The following CPEB4 variants were observed in gnomAD, a reference collection of about 807,000 sequenced individuals.
CPEB4 encodes the protein cytoplasmic polyadenylation element-binding protein 4.
In CPEB4, 12 loss-of-function variants were observed where a neutral mutation model predicts 72.5. That is an observed-to-expected ratio of 0.17 (90% CI 0.11 to 0.27). CPEB4 has a LOEUF of 0.27. CPEB4 is among the 10% of genes least tolerant of loss of function. The probability of loss-of-function intolerance (pLI) is 1.00; values close to 1 mark genes in which losing one functional copy is unlikely to be tolerated. For missense variants in CPEB4, 614 were observed against 908.5 expected (o/e 0.68, Z 4.17); for synonymous variants, 302 against 326.3 (o/e 0.93, Z 0.80).
chr5:173,890,363 C>T lies in CPEB4; in HGVS notation c.630C>T (p.Phe210=), dbSNP rs201752532. Residue 210 remains phenylalanine, a synonymous_variant, in exon 1 of 10, where the codon TTC becomes TTT. Transcript: ENST00000265085. Reference sequence around the variant, plus strand: ...ACGGTGCTCTGTTGTTTCAAAATTTCCCCCATCATGTCAGCCCTGGCTTTG... The same window carrying T: ...ACGGTGCTCTGTTGTTTCAAAATTTTCCCCATCATGTCAGCCCTGGCTTTG... The part of the protein sequence containing the change: ...ANNGALLFQN[F]PHHVSPGFGG... 3.3e-4 allele frequency: 526 copies of T among 1,614,106 alleles called. 5 individuals are homozygous for T. In the Middle Eastern group the frequency reaches 3.3e-3, roughly 10 times the overall value.
chr5:173,935,088 T>G (rs1466643101), intron 3 of CPEB4, among the ~76,000 whole-genome samples: 2 of 152,196 alleles, frequency 1.3e-5, no homozygotes, highest in Non-Finnish European at 2.9e-5. Context: ...TGTAAATCAC[T>G]TAGCATAGCA....
chr5:173,953,726 C>CT (rs56660397), intron 9 of CPEB4, among the ~76,000 whole-genome samples: 77 of 141,642 alleles, frequency 5.4e-4, no homozygotes, highest in Admixed American at 1.1e-3. Context: ...TCACAGATTT[C>CT]TTTTTTTTTT....
chr5:173,937,724 AT>A (rs1757680339), intron 3 of CPEB4, among the ~76,000 whole-genome samples: 1 of 152,160 alleles, frequency 6.6e-6, no homozygotes, highest in South Asian at 2.1e-4. Flanking sequence ...TGTGTTTTTC[AT>A]TATTCTCTCA....
In CPEB4 at chr5:173,953,071, C is replaced by G; in HGVS notation, c.1781-20C>G. On this transcript the variant is annotated intron_variant, in intron 8 of 9. Transcript: ENST00000265085. ...AATTTTCCTGATTTTAAATATCCTC[C>G]TTGTTCCTTTCTTAATTAGTGGAGC... 1.3e-6 allele frequency: 2 copies of G among 1,578,146 alleles called. No individual in the cohort carries two copies. The highest frequency in any genetic ancestry group is 1.7e-6 in the Non-Finnish European group (2 of 1,158,894).
In CPEB4 at chr5:173,890,768, C is replaced by T. The variant is rs1755783761; in HGVS notation, c.1035C>T (p.Leu345=). ...KKNFASNHIQ[L]QKYARPSSAF... is the part of the protein sequence containing the mutation. ...ATTTTGCAAGCAATCATATTCAGCT[C>T]CAGAAGTATGCTCGCCCCAGCTCTG... Residue 345 remains leucine, a synonymous_variant, in exon 1 of 10, where the codon CTC becomes CTT. Transcript: ENST00000265085. 3 of 1,614,068 alleles carry T rather than the reference C, an allele frequency of 1.9e-6. No homozygotes were observed. The highest frequency in any genetic ancestry group is 2.5e-6 in the Non-Finnish European group (3 of 1,180,038).
intron 2 of CPEB4, among the ~76,000 whole-genome samples, chr5:173,920,150 T>G (rs1321380470): frequency 6.6e-6 from 1 of 152,236 alleles, no homozygotes; most frequent in African/African-American, 2.4e-5. Context: ...CACTCAGTTC[T>G]AAAAGCAAGG....
chr5:173,944,083 T>C (rs770167982), intron 4 of CPEB4, among the ~76,000 whole-genome samples: 7 of 152,214 alleles, frequency 4.6e-5, no homozygotes, highest in Non-Finnish European at 1.0e-4. Context: ...CCTGCATATA[T>C]ATTCTGGACG....
chr5:173,892,477 A>G (rs1237330520), intron 1 of CPEB4, among the ~76,000 whole-genome samples: 3 of 152,194 alleles, frequency 2.0e-5, no homozygotes, highest in Admixed American at 6.5e-5. Flanking sequence ...TAATGCAAAG[A>G]TAAGTTTTAT....
chr5:173,938,728 T>G (rs1757720267), intron 3 of CPEB4, among the ~76,000 whole-genome samples: 1 of 152,244 alleles, frequency 6.6e-6, no homozygotes, highest in Admixed American at 6.5e-5. Flanking sequence ...CTTCATGGCC[T>G]AAAGTCCTAT....
chr5:173,906,076 A>G (rs1190555109), intron 1 of CPEB4, among the ~76,000 whole-genome samples: 2 of 152,230 alleles, frequency 1.3e-5, no homozygotes, highest in Non-Finnish European at 2.9e-5. Flanking sequence ...TTTCTATTTT[A>G]CAGTTAATCT....
intron 7 of CPEB4, among the ~76,000 whole-genome samples, chr5:173,951,366 T>A (rs1260537191): frequency 6.6e-6 from 1 of 152,224 alleles, no homozygotes; most frequent in African/African-American, 2.4e-5. Context: ...AAAACCATTT[T>A]GAAATAATGC....
chr5:173,918,463 G>A (rs1361357795), intron 2 of CPEB4, among the ~76,000 whole-genome samples: 4 of 152,146 alleles, frequency 2.6e-5, no homozygotes, highest in Non-Finnish European at 5.9e-5. Flanking sequence ...TTCAGATTTG[G>A]GGTTGCTGTT....
intron 1 of CPEB4, among the ~76,000 whole-genome samples, chr5:173,899,974 A>G (rs537573154): frequency 5.9e-5 from 9 of 152,128 alleles, no homozygotes; most frequent in African/African-American, 2.2e-4. Context: ...ATTCTGGAGA[A>G]CTGTGGATGG....
At chr5:173,933,145 C>A (rs1188630856) in intron 3 of CPEB4, among the ~76,000 whole-genome samples, 1 of 152,146 alleles carries the variant, frequency 6.6e-6, no homozygotes, top group Non-Finnish European at 1.5e-5. Context: ...GGGTGAAATA[C>A]AGAGGTCTTG....
chr5:173,910,527 G>A lies in CPEB4; in HGVS notation c.1130G>A (p.Arg377His), dbSNP rs369037257. The A allele has an allele frequency of 3.7e-6, 6 of 1,610,582 alleles. No individual in the cohort carries two copies. The highest frequency in any genetic ancestry group is 4.2e-6 in the Non-Finnish European group (5 of 1,177,836). The change falls in exon 2 of 10, where the codon CGC becomes CAC. Residue 377 changes from arginine (R) to histidine (H), a missense_variant. Arg to His is a conservative substitution (Grantham distance 29). This residue lies in a region of CPEB4 where 458 missense variants were observed against 548.6 expected (regional missense o/e 0.83). Coordinates refer to ENST00000265085, the MANE Select transcript of CPEB4 (RefSeq NM_030627.4). ...RADNIFPFPD[R>H]PRTFDMHSLE... Reference sequence around the variant, plus strand: ...TGTGGCTGTTTGTGTCTACAGGATCGCCCCAGGACATTCGACATGCACTCA... The same window carrying A: ...TGTGGCTGTTTGTGTCTACAGGATCACCCCAGGACATTCGACATGCACTCA...
At position 173,961,061 on chromosome 5, in the gene CPEB4, G is replaced by T. The variant is rs1581178873; in HGVS notation, c.*4924G>T. The T allele has an allele frequency of 6.6e-6, 1 of 152,152 alleles. No individual in the cohort carries two copies. Among genetic ancestry groups the T allele is most frequent in the South Asian group, 2.1e-4 (1 of 4,826 alleles). The allele number at this position is 152,152 out of a possible 1,614,324, so 9.4% of individuals were successfully genotyped here. On this transcript the variant is annotated 3_prime_UTR_variant, in exon 10 of 10. Transcript: ENST00000265085. ...ATTCTCAAGACTAGAAGAGGTTCTT[G>T]TCCTGAGAGAAATGGACTATGAGAT...
chr5:173,949,914 CA>C (rs755331628), intron 6 of CPEB4, 45 bp from the exon 7 acceptor site: 2 of 1,350,590 alleles, frequency 1.5e-6, no homozygotes, highest in Admixed American at 1.9e-5. Flanking sequence ...GAAGAATTAC[CA>C]AAAAATAGGA....
At chr5:173,915,352 T>C (rs557902700) in intron 2 of CPEB4, among the ~76,000 whole-genome samples, 1 of 152,312 alleles carries the variant, frequency 6.6e-6, no homozygotes, top group South Asian at 2.1e-4. Context: ...GCTACTATGA[T>C]TTTTTCTATG....
chr5:173,925,021 G>A (rs1038061081), intron 2 of CPEB4, among the ~76,000 whole-genome samples: 6 of 152,194 alleles, frequency 3.9e-5, no homozygotes, highest in African/African-American at 1.4e-4. Context: ...CATAAGATGT[G>A]AGGCCTAGCA....
Sources: gnomAD v4.1 joint callset for allele counts (sites outside exome capture counted in the v4.1 genomes callset) on GRCh38, gnomAD v4.1.1 for gene constraint, gnomAD v4.1.1 regional missense constraint, MANE v1.5 for transcripts, NCBI Gene and HGNC (gene_info 2026-07-23, HGNC 2026-07-21) for gene names.